COL11A2: variants seen among roughly 807,000 people sequenced by gnomAD.
COL11A2 encodes collagen type XI alpha 2 chain.
In COL11A2, 116 loss-of-function variants were observed where a neutral mutation model predicts 273.4. That is an observed-to-expected ratio of 0.42 (90% CI 0.36 to 0.49). The LOEUF is 0.49. Ranked by LOEUF, COL11A2 falls within the 20% of genes least tolerant of loss-of-function variation. The pLI, the probability that COL11A2 is intolerant of heterozygous loss-of-function variation, is 0.00. For missense variants in COL11A2, 1,866 were observed against 2,309.0 expected (o/e 0.81, Z 3.93); for synonymous variants, 782 against 864.2 (o/e 0.90, Z 1.67).
Position 33,170,239 on chromosome 6 carries a change from G to C in COL11A2, c.3582+87C>G. 1 of 1,572,488 alleles carries C rather than the reference G, an allele frequency of 6.4e-7. No individual in the cohort carries two copies. The highest frequency in any genetic ancestry group is 1.4e-5 in the African/African-American group (1 of 73,958). Reference sequence around the variant, plus strand: ...GGAGTAAGGGCTTCTCTTGGCCCCTGAGACGATACTAGAGTTTATGGTCTG... The same window carrying C: ...GGAGTAAGGGCTTCTCTTGGCCCCTCAGACGATACTAGAGTTTATGGTCTG... On this transcript the variant is annotated intron_variant, in intron 48 of 65. Transcript: ENST00000341947. This position sits in a 1 kb window ranked among gnomAD's most constrained non-coding sequence, Gnocchi z 4.3.
chr6:33,180,972 C>T lies in COL11A2; in HGVS notation c.1213G>A (p.Gly405Ser). The change falls in exon 10 of 66, where the codon GGC (glycine) becomes AGC (serine). Residue 405 changes from glycine (G) to serine (S), a missense_variant. Transcript: ENST00000341947. ...MLVEGPPGPE[G>S]PAGLIGPPGI... ...GTCACTGCTAGACTTACCGCAGGGCCTTCTGGGCCAGGGGGCCCCTCCACG... is the reference window on the plus strand; with the variant it reads ...GTCACTGCTAGACTTACCGCAGGGCTTTCTGGGCCAGGGGGCCCCTCCACG... 6.2e-7 allele frequency: 1 copy of T among 1,614,032 alleles called. No individual in the cohort carries two copies. The highest frequency in any genetic ancestry group is 8.5e-7 in the Non-Finnish European group (1 of 1,179,970).
chr6:33,189,003 G>T lies in COL11A2; in HGVS notation c.418C>A (p.Arg140=). 1 of 1,614,190 alleles carries T rather than the reference G, an allele frequency of 6.2e-7. No individual in the cohort carries two copies. Among genetic ancestry groups the T allele is most frequent in the Non-Finnish European group, 8.5e-7 (1 of 1,180,028 alleles). The part of the protein sequence containing the change: ...RPQPPSQPVF[R]GLSLADGKWH... ...TTGCCATCTGCTAGGCTGAGGCCTC[G>T]GAAGACTGGCTGAGAGGGAGGTTGA... is the stretch of plus-strand genomic sequence containing the variant. Residue 140 remains arginine, a synonymous_variant, in exon 3 of 66, where the codon CGA becomes AGA. Transcript: ENST00000341947. This position sits in a 1 kb window ranked among gnomAD's most constrained non-coding sequence, Gnocchi z 5.6.
chr6:33,187,493 G>T (rs1349049284), intron 4 of COL11A2, among the ~76,000 whole-genome samples: 1 of 152,142 alleles, frequency 6.6e-6, no homozygotes, highest in Admixed American at 6.5e-5. Flanking sequence ...GAGGGTGAAT[G>T]GAGGGATGGG....
At position 33,175,997 on chromosome 6, in the gene COL11A2, G is replaced by C. The variant is rs763300707; in HGVS notation, c.2268+19C>G. ...TCAGTAGAACACGGAATTGGGGCCA[G>C]TGTGGGGTCTCTACTCACCCTGTCA... On this transcript the variant is annotated intron_variant, in intron 29 of 65. Transcript: ENST00000341947. The C allele has an allele frequency of 6.2e-7, 1 of 1,612,946 alleles. No homozygotes were observed. The highest frequency in any genetic ancestry group is 1.1e-5 in the South Asian group (1 of 91,088).
chr6:33,168,277 A>T (rs933856260), intron 54 of COL11A2, among the ~76,000 whole-genome samples: 1 of 151,810 alleles, frequency 6.6e-6, no homozygotes, highest in Admixed American at 6.6e-5. Flanking sequence ...GCTCCTGCAC[A>T]CACACTCGCC....
Position 33,179,435 on chromosome 6 carries a change from G to C in COL11A2, c.1499C>G (p.Pro500Arg). Reference sequence around the variant, plus strand: ...CCGAGCACCCTGCTCACTCACCAAGGGTCCAGGGCGCCCTGTGTATCCCAT... The same window carrying C: ...CCGAGCACCCTGCTCACTCACCAAGCGTCCAGGGCGCCCTGTGTATCCCAT... ...GPMGYTGRPG[P>R]LGQPGSPGLK... Residue 500 changes from proline (P) to arginine (R), a missense_variant, in exon 14 of 66, where the codon CCC (proline) becomes CGC (arginine). Coordinates refer to ENST00000341947, the MANE Select transcript of COL11A2 (RefSeq NM_080680.3). This position sits in a 1 kb window ranked among gnomAD's most constrained non-coding sequence, Gnocchi z 6.4. 1 of 1,569,504 alleles carries C rather than the reference G, an allele frequency of 6.4e-7. No homozygotes were observed. Among genetic ancestry groups the C allele is most frequent in the Non-Finnish European group, 8.6e-7 (1 of 1,157,414 alleles).
intron 29 of COL11A2, 94 bp from the exon 30 acceptor site, chr6:33,175,775 AGAGGG>A: frequency 7.7e-7 from 1 of 1,293,180 alleles, no homozygotes; most frequent in Non-Finnish European, 1.1e-6. Context: ...GAGGAGGGCT[AGAGGG>A]GTCCCAGGAG....
chr6:33,174,425 G>A (rs1232822563), intron 31 of COL11A2, 102 bp downstream of exon 31: 8 of 1,483,106 alleles, frequency 5.4e-6, no homozygotes, highest in Non-Finnish European at 7.4e-6. Context: ...TTCCCTCTGG[G>A]GTCCCCCACT....
Position 33,171,505 on chromosome 6 carries a change from C to A in COL11A2, c.3220G>T (p.Ala1074Ser), listed in dbSNP as rs1583311659. Residue 1074 changes from alanine to serine, a missense_variant, in exon 43 of 66, where the codon GCT becomes TCT. Coordinates refer to ENST00000341947, the MANE Select transcript of COL11A2 (RefSeq NM_080680.3). The stretch of plus-strand genomic sequence containing the variant: ...TCTCCAGCCACACCTGGAGGCCCAG[C>A]AGGACCAGGAAGCCCCACAGGACCC... ...VQGPVGLPGP[A>S]GPPGVAGEDG... The A allele has an allele frequency of 6.2e-7, 1 of 1,614,134 alleles. No individual in the cohort carries two copies. Among genetic ancestry groups the A allele is most frequent in the East Asian group, 2.2e-5 (1 of 44,876 alleles).
chr6:33,173,269 T>G lies in COL11A2; in HGVS notation c.2736+79A>C. 6.3e-7 allele frequency: 1 copy of G among 1,583,278 alleles called. No homozygotes were observed. The highest frequency in any genetic ancestry group is 1.3e-5 in the African/African-American group (1 of 74,560). The stretch of plus-strand genomic sequence containing the variant: ...CTCCACTCTGCCAGGAGAACGTCCC[T>G]GTGGGCTTTCCAGACAGCTCTGGGG... On this transcript the variant is annotated intron_variant, in intron 37 of 65. Coordinates refer to ENST00000341947, the MANE Select transcript of COL11A2 (RefSeq NM_080680.3). This position sits in a 1 kb window ranked among gnomAD's most constrained non-coding sequence, Gnocchi z 6.3.
In COL11A2 at chr6:33,169,762, G is replaced by A. The variant is rs1737974184; in HGVS notation, c.3690+69C>T. On this transcript the variant is annotated intron_variant, in intron 50 of 65. Coordinates refer to ENST00000341947, the MANE Select transcript of COL11A2 (RefSeq NM_080680.3). The surrounding 1 kb of genome is among the most constrained non-coding windows in gnomAD (Gnocchi z 5.5). ...GGAGTTCCAGCTCAAGGAGGTCACAGGAAAAGTGGAGGCAGGGTTGAGGCG... is the reference window on the plus strand; with the variant it reads ...GGAGTTCCAGCTCAAGGAGGTCACAAGAAAAGTGGAGGCAGGGTTGAGGCG... The A allele has an allele frequency of 3.1e-5, 50 of 1,593,536 alleles. 1 individual carries two copies. The South Asian group carries it at 5.3e-4, about 17-fold the overall frequency.
chr6:33,173,003 G>C lies in COL11A2; in HGVS notation c.2790+57C>G. 6.4e-7 allele frequency: 1 copy of C among 1,564,838 alleles called. No individual in the cohort carries two copies. The highest frequency in any genetic ancestry group is 8.8e-7 in the Non-Finnish European group (1 of 1,138,156). On this transcript the variant is annotated intron_variant, in intron 38 of 65. Transcript: ENST00000341947. The surrounding 1 kb of genome is among the most constrained non-coding windows in gnomAD (Gnocchi z 6.3). ...CAGGGGCGTGTGACCGAGAGAAGAG[G>C]GGCAGACAGACTAATGCTAGGGTCA... is the stretch of plus-strand genomic sequence containing the variant.
chr6:33,177,516 A>T lies in COL11A2; in HGVS notation c.1918-51T>A, dbSNP rs376553891. On this transcript the variant is annotated intron_variant, in intron 22 of 65. Transcript: ENST00000341947. The surrounding 1 kb of genome is among the most constrained non-coding windows in gnomAD (Gnocchi z 5.9). ...TCAGAAGGAGATGGAGATAGAACACATTTAGAGCATGGAGCTGAGTCCCAG... is the reference window on the plus strand; with the variant it reads ...TCAGAAGGAGATGGAGATAGAACACTTTTAGAGCATGGAGCTGAGTCCCAG... 1.4e-5 allele frequency: 23 copies of T among 1,602,870 alleles called. No individual in the cohort carries two copies. Among genetic ancestry groups the T allele is most frequent in the Non-Finnish European group, 1.9e-5 (22 of 1,171,722 alleles).
Position 33,179,679 on chromosome 6 carries a change from C to T in COL11A2, c.1446+40G>A, listed in dbSNP as rs755775837. The T allele has an allele frequency of 4.1e-5, 66 of 1,605,974 alleles. No homozygotes were observed. The highest frequency in any genetic ancestry group is 5.5e-5 in the Non-Finnish European group (65 of 1,177,150). ...CACTCCAGCCAACCCTTCCAGTGCC[C>T]CCCAGAGCCTTCCCTTTCCAGGGAA... On this transcript the variant is annotated intron_variant, in intron 13 of 65. Transcript: ENST00000341947. The surrounding 1 kb of genome is among the most constrained non-coding windows in gnomAD (Gnocchi z 6.4).
chr6:33,188,974 T>C lies in COL11A2; in HGVS notation c.443+4A>G. ...AGGCAGACCAGAGGAGCAAACAAAC[T>C]TACTTGCCATCTGCTAGGCTGAGGC... is the stretch of plus-strand genomic sequence containing the variant. On this transcript the variant is annotated splice_donor_region_variant and intron_variant, in intron 3 of 65. Coordinates refer to ENST00000341947, the MANE Select transcript of COL11A2 (RefSeq NM_080680.3). The C allele has an allele frequency of 2.5e-6, 4 of 1,614,176 alleles. No individual in the cohort carries two copies. Among genetic ancestry groups the C allele is most frequent in the Admixed American group, 1.7e-5 (1 of 60,028 alleles).
At position 33,180,954 on chromosome 6, in the gene COL11A2, C is replaced by T. The variant is rs1172413620; in HGVS notation, c.1221+10G>A. 4.3e-6 allele frequency: 7 copies of T among 1,613,946 alleles called. No individual in the cohort carries two copies. Among genetic ancestry groups the T allele is most frequent in the Middle Eastern group, 3.3e-4 (2 of 6,040 alleles). On this transcript the variant is annotated intron_variant, in intron 10 of 65. Transcript: ENST00000341947. ...GAAAAGAATGGCCACCAGGTCACTG[C>T]TAGACTTACCGCAGGGCCTTCTGGG...
upstream of COL11A2, among the ~76,000 whole-genome samples, chr6:33,193,393 C>T (rs1773477200): frequency 7.0e-6 from 1 of 141,886 alleles, no homozygotes; most frequent in African/African-American, 2.6e-5. Context: ...CTCCTCCGGC[C>T]GGCCCCGCCC....
chr6:33,172,366 G>T lies in COL11A2; in HGVS notation c.2911C>A (p.Pro971Thr). The T allele has an allele frequency of 1.9e-6, 3 of 1,587,046 alleles. No homozygotes were observed. The highest frequency in any genetic ancestry group is 2.6e-6 in the Non-Finnish European group (3 of 1,167,136). ...GKEGTKGDPG[P>T]PGAPGKDGPA... Reference sequence around the variant, plus strand: ...CCATCCTTCCCTGGGGCCCCAGGGGGACCAGGGTCACCCTAAAAGGAAAGG... The same window carrying T: ...CCATCCTTCCCTGGGGCCCCAGGGGTACCAGGGTCACCCTAAAAGGAAAGG... The change falls in exon 40 of 66, where the codon CCC (proline) becomes ACC (threonine). Residue 971 changes from proline to threonine, a missense_variant. Transcript: ENST00000341947.
chr6:33,174,230 G>A lies in COL11A2; in HGVS notation c.2431-12C>T, dbSNP rs779421083. Reference sequence around the variant, plus strand: ...AATCCTAGGGACCCCTGGTGAGAACGGAGAAGGGGGGAAATTGAGAAGTTA... The same window carrying A: ...AATCCTAGGGACCCCTGGTGAGAACAGAGAAGGGGGGAAATTGAGAAGTTA... On this transcript the variant is annotated splice_polypyrimidine_tract_variant and intron_variant, in intron 31 of 65. Coordinates refer to ENST00000341947, the MANE Select transcript of COL11A2 (RefSeq NM_080680.3). 19 of 1,551,492 alleles carry A rather than the reference G, an allele frequency of 1.2e-5. No homozygotes were observed. The highest frequency in any genetic ancestry group is 1.1e-4 in the South Asian group (9 of 84,598).
Sources: gnomAD v4.1 joint callset for allele counts (sites outside exome capture counted in the v4.1 genomes callset) on GRCh38, gnomAD v4.1.1 for gene constraint, Gnocchi (gnomAD v3.1) non-coding constraint, MANE v1.5 for transcripts, NCBI Gene and HGNC (gene_info 2026-07-23, HGNC 2026-07-21) for gene names.